The following ANO10 variants were observed in gnomAD, a reference collection of about 807,000 sequenced individuals.
ANO10 encodes anoctamin 10.
Under a neutral mutation model 74.7 loss-of-function variants are expected in ANO10, and 77 were observed. The ratio of observed to expected loss-of-function variants is 1.03; its 90% CI spans 0.86 to 1.25. The LOEUF is 1.25. Ranked by LOEUF, ANO10 falls within the 50% of genes most tolerant of loss-of-function variation. The pLI is 0.00. For missense variants in ANO10, 721 were observed against 778.1 expected (o/e 0.93, Z 0.87); for synonymous variants, 279 against 284.9 (o/e 0.98, Z 0.21).
In ANO10 at chr3:43,554,324, G is replaced by A. The variant is rs180849560; in HGVS notation, c.1668+954C>T. ...TTCTTCTGCCTCAGCCTCCTGAGTA[G>A]CTGGGATTACAGGCGCCCAGCAGCA... On this transcript the variant is annotated intron_variant, in intron 10 of 12. Coordinates refer to ENST00000292246, the MANE Select transcript of ANO10 (RefSeq NM_018075.5). 1.8e-4 allele frequency among the ~76,000 whole-genome samples: 28 copies of A among 151,880 alleles called. No homozygotes were observed. The East Asian group carries it at 5.1e-3, about 27-fold the overall frequency.
chr3:43,402,666 C>CACACTG (rs2092504833), intron 12 of ANO10, among the ~76,000 whole-genome samples: 2 of 152,136 alleles, frequency 1.3e-5, no homozygotes, highest in Non-Finnish European at 2.9e-5. Flanking sequence ...TGAGAGGTAC[C>CACACTG]ACACTGGCTC....
At chr3:43,575,995 A>G (rs1001109346) in intron 6 of ANO10, among the ~76,000 whole-genome samples, 2 of 152,216 alleles carry the variant, frequency 1.3e-5, no homozygotes, top group Non-Finnish European at 1.5e-5. Context: ...AGGGAATAAT[A>G]TAGCGAATTT....
chr3:43,561,562 T>C (rs766955348), intron 8 of ANO10, among the ~76,000 whole-genome samples, 160 bp from the exon 9 acceptor site: 6 of 152,206 alleles, frequency 3.9e-5, no homozygotes, highest in Non-Finnish European at 8.8e-5. Flanking sequence ...TATTGTGTTA[T>C]AAAAACTAGT....
chr3:43,437,386 G>C (rs2093085134), intron 11 of ANO10, among the ~76,000 whole-genome samples: 1 of 152,236 alleles, frequency 6.6e-6, no homozygotes, highest in Non-Finnish European at 1.5e-5. Flanking sequence ...ACAGCCATCA[G>C]AGAAGCTGGG....
intron 11 of ANO10, among the ~76,000 whole-genome samples, chr3:43,547,557 T>C (rs531043902): frequency 1.4e-4 from 21 of 152,288 alleles, no homozygotes; most frequent in African/African-American, 3.8e-4. Context: ...TTAAAACAGC[T>C]GTTTTTATAC....
At chr3:43,378,609 TATG>T (rs2091877183) in intron 12 of ANO10, among the ~76,000 whole-genome samples, 2 of 152,202 alleles carry the variant, frequency 1.3e-5, no homozygotes, top group African/African-American at 4.8e-5. Context: ...ATTACAACAT[TATG>T]ATTTTTAAAA....
chr3:43,551,175 G>A (rs2079439971), intron 10 of ANO10, among the ~76,000 whole-genome samples: 1 of 152,164 alleles, frequency 6.6e-6, no homozygotes, highest in African/African-American at 2.4e-5. Context: ...GATCTTATAA[G>A]TACATCATTT....
chr3:43,421,946 ATT>A (rs1426114045), intron 12 of ANO10, among the ~76,000 whole-genome samples: 3 of 152,242 alleles, frequency 2.0e-5, no homozygotes, highest in Non-Finnish European at 4.4e-5. Flanking sequence ...TTCCTAAAAT[ATT>A]TAATAAAAAG....
intron 11 of ANO10, among the ~76,000 whole-genome samples, chr3:43,448,123 G>A (rs1245326999): frequency 6.6e-6 from 1 of 152,068 alleles, no homozygotes; most frequent in Admixed American, 6.6e-5. Flanking sequence ...ATTCAAGAAG[G>A]CCTAAGAATC....
At chr3:43,664,572 A>G (rs751462508) in intron 1 of ANO10, among the ~76,000 whole-genome samples, 2 of 152,238 alleles carry the variant, frequency 1.3e-5, no homozygotes, top group East Asian at 1.9e-4. Context: ...AGCAACAGAA[A>G]CTATCATCAG....
chr3:43,579,023 G>T (rs1439144399), intron 5 of ANO10, among the ~76,000 whole-genome samples: 1 of 151,334 alleles, frequency 6.6e-6, no homozygotes, highest in Non-Finnish European at 1.5e-5. Flanking sequence ...GTTGTTTTCA[G>T]AAATAGAAAA....
intron 7 of ANO10, among the ~76,000 whole-genome samples, chr3:43,566,349 C>G (rs1310943438): frequency 6.6e-6 from 1 of 152,244 alleles, no homozygotes; most frequent in Non-Finnish European, 1.5e-5. Context: ...TGAAGGAGGC[C>G]TGCCTGCCTC....
At chr3:43,454,132 A>G in intron 11 of ANO10, among the ~76,000 whole-genome samples, 2 of 152,212 alleles carry the variant, frequency 1.3e-5, no homozygotes, top group East Asian at 3.8e-4. Context: ...TTCTGGGGGA[A>G]AAGCATGTTG....
intron 11 of ANO10, among the ~76,000 whole-genome samples, chr3:43,541,762 C>T (rs1301685938): frequency 1.3e-5 from 2 of 152,170 alleles, no homozygotes; most frequent in Non-Finnish European, 2.9e-5. Flanking sequence ...CATATGCTGT[C>T]CTTGCTCATG....
chr3:43,656,542 T>C (rs573027545), intron 1 of ANO10, among the ~76,000 whole-genome samples: 12 of 152,286 alleles, frequency 7.9e-5, no homozygotes, highest in African/African-American at 2.9e-4. Context: ...GGCTCAGGCA[T>C]GGCGGGCTGC....
At chr3:43,652,469 GT>G (rs1455598977) in intron 1 of ANO10, among the ~76,000 whole-genome samples, 1 of 152,136 alleles carries the variant, frequency 6.6e-6, no homozygotes, top group East Asian at 1.9e-4. Flanking sequence ...AAAGAATAAA[GT>G]TGGACCACTG....
At chr3:43,642,000 T>C (rs1199297469) in intron 1 of ANO10, among the ~76,000 whole-genome samples, 1 of 152,166 alleles carries the variant, frequency 6.6e-6, no homozygotes, top group Non-Finnish European at 1.5e-5. Flanking sequence ...TGCCATTTCA[T>C]TGCTAAATAT....
At chr3:43,520,630 CT>C (rs2077912015) in intron 11 of ANO10, among the ~76,000 whole-genome samples, 1 of 152,094 alleles carries the variant, frequency 6.6e-6, no homozygotes, top group South Asian at 2.1e-4. Context: ...CATGTACATT[CT>C]TTTTATTTAT....
chr3:43,383,118 C>G (rs2092014968), intron 12 of ANO10, among the ~76,000 whole-genome samples: 2 of 151,982 alleles, frequency 1.3e-5, no homozygotes, highest in Admixed American at 1.3e-4. Flanking sequence ...TGCAAAAATC[C>G]TCAACAAAAT....
Sources: allele counts gnomAD v4.1 joint callset (sites outside exome capture counted in the v4.1 genomes callset), GRCh38; gene constraint gnomAD v4.1.1; transcripts MANE v1.5; gene names NCBI Gene and HGNC (gene_info 2026-07-23, HGNC 2026-07-21).